Variants in UPF2 observed in about 807,000 individuals in gnomAD.
The protein encoded by UPF2 is regulator of nonsense transcripts 2.
In UPF2, 17 loss-of-function variants were observed where a neutral mutation model predicts 141.4. The observed-to-expected ratio is 0.12, with a 90% CI of 0.08 to 0.18. UPF2 has a LOEUF of 0.18. UPF2 is among the 10% of genes least tolerant of loss of function. The pLI is 1.00. For synonymous variants in UPF2, 540 were observed against 498.0 expected (o/e 1.08, Z -1.12); for missense variants, 1,152 against 1,515.9 (o/e 0.76, Z 3.99).
rs1834231783 is a variant in UPF2 at position 12,016,925 on chromosome 10, C to A, written c.1146-2741G>T. Among the ~76,000 whole-genome samples the A allele has an allele frequency of 6.6e-6, 1 of 150,562 alleles. No individual in the cohort carries two copies. The highest frequency in any genetic ancestry group is 6.7e-5 in the Admixed American group (1 of 15,006). On this transcript the variant is annotated intron_variant, in intron 3 of 21. Coordinates refer to ENST00000357604, the MANE Select transcript of UPF2 (RefSeq NM_015542.4). The surrounding 1 kb of genome is among the most constrained non-coding windows in gnomAD (Gnocchi z 4.1). The stretch of plus-strand genomic sequence containing the variant: ...ATCCTAGCTCCTTGGGAGGCTGAGG[C>A]AGGAGAATCATTTGAACTCGGAAGG...
intron 9 of UPF2, among the ~76,000 whole-genome samples, chr10:11,968,337 AAATAAGGAAAACTTT>A (rs1833357240): frequency 6.6e-6 from 1 of 152,192 alleles, no homozygotes. Context: ...GGAGGTTCTT[AAATAAGGAAAACTTT>A]AAGTCAATGT....
At chr10:11,995,866 A>T (rs536064346) in intron 8 of UPF2, among the ~76,000 whole-genome samples, 1 of 152,248 alleles carries the variant, frequency 6.6e-6, no homozygotes, top group East Asian at 1.9e-4. Flanking sequence ...CTCTGTCAGC[A>T]ATGCTCTCCC....
At chr10:12,015,934 T>C (rs1834210733) in intron 3 of UPF2, among the ~76,000 whole-genome samples, 1 of 152,142 alleles carries the variant, frequency 6.6e-6, no homozygotes, top group South Asian at 2.1e-4. Flanking sequence ...TGAAATAGTT[T>C]AACCATAATA....
intron 5 of UPF2, 140 bp from the exon 6 acceptor site, chr10:12,001,965 G>T: frequency 1.3e-6 from 1 of 777,568 alleles, no homozygotes; most frequent in East Asian, 3.0e-5. Flanking sequence ...AATATATTTA[G>T]ATTTTATAAA....
Position 11,921,197 on chromosome 10 carries a change from G to A in UPF2, c.*101C>T, listed in dbSNP as rs1307723649. 5.2e-6 allele frequency: 8 copies of A among 1,528,358 alleles called. No homozygotes were observed. The highest frequency in any genetic ancestry group is 2.2e-5 in the South Asian group (2 of 89,132). 94.7% of individuals were successfully genotyped at this position (1,528,358 alleles called of 1,614,324 possible). ...GTTTAGATTCGCAACTCTCTAGACCGACCTGCTGAGATGTGTCCACTGCTC... is the reference window on the plus strand; with the variant it reads ...GTTTAGATTCGCAACTCTCTAGACCAACCTGCTGAGATGTGTCCACTGCTC... On this transcript the variant is annotated 3_prime_UTR_variant, in exon 22 of 22. Transcript: ENST00000357604. The surrounding 1 kb of genome is among the most constrained non-coding windows in gnomAD (Gnocchi z 5.9).
rs970609264 is a variant in UPF2, at chr10:12,001,605, C to CTA, written c.1654+69_1654+70dup. On this transcript the variant is annotated intron_variant, in intron 6 of 21. Coordinates refer to ENST00000357604, the MANE Select transcript of UPF2 (RefSeq NM_015542.4). ...AAATACAGAATTAAGGAGAAAAGAT[C>CTA]TATATTCTTAGGCAAGAGCTCTGTG... 2.2e-6 allele frequency: 3 copies of CTA among 1,382,218 alleles called. No individual in the cohort carries two copies. In the African/African-American group the frequency reaches 4.4e-5, roughly 20 times the overall value. 85.6% of individuals were successfully genotyped at this position (1,382,218 alleles called of 1,614,324 possible). A position where few individuals can be genotyped will look rare whatever the true frequency, so the allele number is the denominator to read the frequency against.
At position 11,964,113 on chromosome 10, in the gene UPF2, C is replaced by A; in HGVS notation, c.2080G>T (p.Asp694Tyr). 1 of 1,611,812 alleles carries A rather than the reference C, an allele frequency of 6.2e-7. No homozygotes were observed. The highest frequency in any genetic ancestry group is 1.1e-5 in the South Asian group (1 of 90,720). ...TLHCLKMLLSDFSHHHIEMAC... is the reference protein window; with the variant it reads ...TLHCLKMLLSYFSHHHIEMAC... ...ATTTCAATATGGTGATGAGAGAAGTCTGACAGAAGCATCTGCAACAGGAAG... is the reference window on the plus strand; with the variant it reads ...ATTTCAATATGGTGATGAGAGAAGTATGACAGAAGCATCTGCAACAGGAAG... The change falls in exon 11 of 22, where the codon GAC (aspartate) becomes TAC (tyrosine). Residue 694 changes from aspartate (D) to tyrosine (Y), a missense_variant. Physicochemically the swap from Asp to Tyr is radical, Grantham distance 160. This residue lies in a region of UPF2 where 739 missense variants were observed against 1,032.2 expected (regional missense o/e 0.72). Transcript: ENST00000357604.
chr10:12,013,658 A>T (rs1418565383), intron 4 of UPF2, among the ~76,000 whole-genome samples: 2 of 152,152 alleles, frequency 1.3e-5, no homozygotes, highest in South Asian at 2.1e-4. Context: ...AACTCATCAT[A>T]TTATCATGAG....
intron 3 of UPF2, among the ~76,000 whole-genome samples, chr10:12,025,085 G>T (rs956824046): frequency 1.3e-5 from 2 of 152,052 alleles, no homozygotes; most frequent in Non-Finnish European, 2.9e-5. Context: ...CATTCCTCAT[G>T]TCTTTTGCTC....
At chr10:11,927,106 G>A (rs751022929) in intron 21 of UPF2, among the ~76,000 whole-genome samples, 19 of 152,302 alleles carry the variant, frequency 1.2e-4, no homozygotes, top group Non-Finnish European at 2.1e-4. Flanking sequence ...GACCACAACC[G>A]TGCAGGTAAA....
chr10:12,004,549 G>T lies in UPF2; in HGVS notation c.1485C>A (p.Ser495=), dbSNP rs748543448. ...ATTTACCTTTGGTATCATCTTTGTTGGACTCTTTATTCTGACAACTTTTTT... is the reference window on the plus strand; with the variant it reads ...ATTTACCTTTGGTATCATCTTTGTTTGACTCTTTATTCTGACAACTTTTTT... ...DNEKSCQNKE[S]NKDDTKEAKE... Residue 495 remains serine (S), a synonymous_variant, in exon 5 of 22, where the codon TCC becomes TCA. Transcript: ENST00000357604. The T allele has an allele frequency of 1.9e-6, 3 of 1,610,490 alleles. No homozygotes were observed. The highest frequency in any genetic ancestry group is 2.5e-6 in the Non-Finnish European group (3 of 1,178,446).
intron 11 of UPF2, among the ~76,000 whole-genome samples, chr10:11,961,488 T>C (rs563722177): frequency 2.0e-5 from 3 of 151,210 alleles, no homozygotes; most frequent in East Asian, 2.0e-4. Flanking sequence ...GTGTTCCTAG[T>C]AGGGAGCAGC....
intron 8 of UPF2, among the ~76,000 whole-genome samples, chr10:11,982,094 T>C (rs1005973096): frequency 6.6e-6 from 1 of 152,168 alleles, no homozygotes; most frequent in Non-Finnish European, 1.5e-5. Flanking sequence ...ACAGATTAAT[T>C]TACACTGAGA....
At chr10:11,976,069 G>C (rs755336774) in intron 9 of UPF2, among the ~76,000 whole-genome samples, 9 of 152,190 alleles carry the variant, frequency 5.9e-5, no homozygotes, top group Non-Finnish European at 1.3e-4. Context: ...ATTCCCACCT[G>C]AAGTATCTGA....
intron 16 of UPF2, among the ~76,000 whole-genome samples, chr10:11,946,191 C>T (rs554182967): frequency 6.6e-6 from 1 of 152,250 alleles, no homozygotes; most frequent in South Asian, 2.1e-4. Flanking sequence ...ACAACCAATC[C>T]TTTTTAACTA....
Position 12,019,528 on chromosome 10 carries a change from A to G in UPF2, c.1146-5344T>C, listed in dbSNP as rs569660457. Among the ~76,000 whole-genome samples, 2 of 152,338 alleles carry G rather than the reference A, an allele frequency of 1.3e-5. No individual in the cohort carries two copies. The highest frequency in any genetic ancestry group is 2.9e-5 in the Non-Finnish European group (2 of 68,018). On this transcript the variant is annotated intron_variant, in intron 3 of 21. Transcript: ENST00000357604. This position sits in a 1 kb window ranked among gnomAD's most constrained non-coding sequence, Gnocchi z 4.5. The stretch of plus-strand genomic sequence containing the variant: ...ATAAATTAGTACATTCTCTCCTGCA[A>G]TATCATTGCACACTAGAGAGGTACT...
intron 8 of UPF2, among the ~76,000 whole-genome samples, chr10:11,981,640 C>G (rs1041342732): frequency 1.3e-5 from 2 of 152,072 alleles, no homozygotes; most frequent in South Asian, 4.1e-4. Context: ...TAGGTCCCAC[C>G]ACTCTCTAAA....
At chr10:11,975,659 C>G (rs1247569056) in intron 9 of UPF2, among the ~76,000 whole-genome samples, 1 of 151,826 alleles carries the variant, frequency 6.6e-6, no homozygotes, top group Non-Finnish European at 1.5e-5. Context: ...CAGGCATGTG[C>G]CACCACGCCC....
intron 9 of UPF2, among the ~76,000 whole-genome samples, chr10:11,975,159 G>T (rs1379046247): frequency 2.0e-5 from 3 of 152,158 alleles, no homozygotes; most frequent in Non-Finnish European, 2.9e-5. Context: ...TACTTGGGAG[G>T]CTAAAACAGG....
Sources: allele counts gnomAD v4.1 joint callset (sites outside exome capture counted in the v4.1 genomes callset), GRCh38; gene constraint gnomAD v4.1.1; regional missense constraint gnomAD v4.1.1; non-coding constraint Gnocchi (gnomAD v3.1); transcripts MANE v1.5; gene names NCBI Gene and HGNC (gene_info 2026-07-23, HGNC 2026-07-21).